The following MERTK variants were observed in gnomAD, a reference collection of about 807,000 sequenced individuals.
MERTK encodes tyrosine-protein kinase Mer.
In MERTK, 69 loss-of-function variants were observed where a neutral mutation model predicts 99.3. The ratio of observed to expected loss-of-function variants is 0.70; its 90% CI spans 0.57 to 0.85. MERTK has a LOEUF of 0.85. Among genes scored for constraint, MERTK ranks in the 40% least tolerant of loss-of-function variants. The pLI is 0.00. For missense variants in MERTK, 1,125 were observed against 1,249.4 expected, an observed-to-expected ratio of 0.90 and a Z score of 1.50; for synonymous variants, 426 against 467.6, an observed-to-expected ratio of 0.91 and a Z score of 1.15.
intron 15 of MERTK, chr2:112,013,376 TA>T (rs1677148256): frequency 6.5e-6 from 1 of 154,314 alleles, no homozygotes; most frequent in Admixed American, 6.5e-5. Context: ...TGTAAAAGGA[TA>T]AAAAATTACC....
At chr2:111,958,634 T>C (rs1385074343) in intron 4 of MERTK, among the ~76,000 whole-genome samples, 1 of 152,184 alleles carries the variant, frequency 6.6e-6, no homozygotes, top group Non-Finnish European at 1.5e-5. Flanking sequence ...AGGTGTCTTG[T>C]GCTAGGACAT....
Position 111,935,208 on chromosome 2 carries a change from G to A in MERTK, c.482+5668G>A, listed in dbSNP as rs547845425. Among the ~76,000 whole-genome samples the A allele has an allele frequency of 2.6e-5, 4 of 152,230 alleles. No homozygotes were observed. In the South Asian group the frequency reaches 6.2e-4, roughly 24 times the overall value. ...ATCCTTGCACATGAAGGTGTTTTCC[G>A]GCAATTCATTATTTGTTGGCTGCAT... is the stretch of plus-strand genomic sequence containing the variant. On this transcript the variant is annotated intron_variant, in intron 2 of 18. Coordinates refer to ENST00000295408, the MANE Select transcript of MERTK (RefSeq NM_006343.3).
intron 12 of MERTK, 84 bp downstream of exon 12, chr2:112,003,271 T>C (rs1676907253): frequency 1.4e-6 from 1 of 713,384 alleles, no homozygotes; most frequent in Non-Finnish European, 2.6e-6. Flanking sequence ...ATTTATTAAA[T>C]AAAATAGCAT....
chr2:111,978,000 G>A (rs187175460), intron 7 of MERTK, among the ~76,000 whole-genome samples: 22 of 151,948 alleles, frequency 1.4e-4, no homozygotes, highest in African/African-American at 3.4e-4. Flanking sequence ...GGAGTGCAGC[G>A]CCAATCATAG....
At chr2:111,996,157 C>T (rs1676733715) in intron 9 of MERTK, 1 of 154,254 alleles carries the variant, frequency 6.5e-6, no homozygotes, top group South Asian at 2.0e-4. Context: ...TGCAGGCAGT[C>T]CTTACCTTGC....
chr2:112,009,439 C>T (rs867201028), intron 14 of MERTK, among the ~76,000 whole-genome samples: 1 of 152,142 alleles, frequency 6.6e-6, no homozygotes, highest in Admixed American at 6.5e-5. Context: ...TGAATTTTAC[C>T]TATAGCCCTT....
intron 4 of MERTK, among the ~76,000 whole-genome samples, chr2:111,951,571 A>G (rs763486561): frequency 1.6e-4 from 21 of 129,398 alleles, no homozygotes; most frequent in Non-Finnish European, 2.3e-4. Context: ...TAATCCATTT[A>G]TCTGTTTATG....
chr2:112,015,420 C>T (rs1159408110), intron 15 of MERTK, among the ~76,000 whole-genome samples: 4 of 152,118 alleles, frequency 2.6e-5, no homozygotes, highest in African/African-American at 4.8e-5. Context: ...TTGCATTTCC[C>T]GAATGACTAA....
intron 2 of MERTK, among the ~76,000 whole-genome samples, chr2:111,930,712 C>T (rs907721970): frequency 1.3e-5 from 2 of 152,106 alleles, no homozygotes; most frequent in African/African-American, 4.8e-5. Flanking sequence ...TTGTGTGTGA[C>T]AGGGATAAGC....
chr2:111,956,240 T>C (rs1472836164), intron 4 of MERTK, among the ~76,000 whole-genome samples: 2 of 152,204 alleles, frequency 1.3e-5, no homozygotes, highest in African/African-American at 2.4e-5. Context: ...TAGCAGTGTC[T>C]ACTACATAAA....
chr2:111,977,449 C>T (rs942615068), intron 7 of MERTK, among the ~76,000 whole-genome samples: 1 of 152,106 alleles, frequency 6.6e-6, no homozygotes, highest in Non-Finnish European at 1.5e-5. Context: ...AACTTTGTTC[C>T]TCTGTATGTA....
intron 10 of MERTK, 101 bp from the exon 11 acceptor site, chr2:112,001,100 G>A (rs988881693): frequency 2.6e-5 from 22 of 852,954 alleles, no homozygotes; most frequent in Non-Finnish European, 4.4e-5. Context: ...TTGTAGAAGA[G>A]CCCATTGAAA....
intron 2 of MERTK, among the ~76,000 whole-genome samples, chr2:111,939,739 A>G (rs1295287996): frequency 2.0e-5 from 3 of 146,738 alleles, no homozygotes; most frequent in Non-Finnish European, 4.5e-5. Context: ...CCTGGCCTCA[A>G]ATGACTCTCT....
chr2:111,982,491 T>C (rs1474927595), intron 7 of MERTK, among the ~76,000 whole-genome samples: 1 of 152,224 alleles, frequency 6.6e-6, no homozygotes, highest in Non-Finnish European at 1.5e-5. Flanking sequence ...CAAGGAATCC[T>C]CCTGCCTGTC....
chr2:111,919,699 T>C (rs1263816131), intron 1 of MERTK, among the ~76,000 whole-genome samples: 3 of 151,920 alleles, frequency 2.0e-5, no homozygotes, highest in Non-Finnish European at 4.4e-5. Flanking sequence ...CTAAAGCCCT[T>C]TGGGGCCCTT....
chr2:111,968,175 A>G lies in MERTK; in HGVS notation c.883A>G (p.Ser295Gly). 6.2e-7 allele frequency: 1 copy of G among 1,614,074 alleles called. No individual in the cohort carries two copies. The highest frequency in any genetic ancestry group is 2.2e-5 in the East Asian group (1 of 44,884). ...ACCAACTGAAGTCAGCATCCGTAAC[A>G]GCACTGCACACAGCATTCTGATCTC... The part of the protein sequence containing the change: ...SPPTEVSIRN[S>G]TAHSILISWV... The change falls in exon 6 of 19, where the codon AGC becomes GGC. Residue 295 changes from serine (S) to glycine (G), a missense_variant. Physicochemically the swap from Ser to Gly is moderately conservative, Grantham distance 56. Coordinates refer to ENST00000295408, the MANE Select transcript of MERTK (RefSeq NM_006343.3).
chr2:111,913,424 A>G (rs1052083306), intron 1 of MERTK, among the ~76,000 whole-genome samples: 1 of 152,192 alleles, frequency 6.6e-6, no homozygotes, highest in African/African-American at 2.4e-5. Flanking sequence ...TTTTAATTTC[A>G]ATGTCTATGT....
chr2:111,957,525 G>A (rs1250066186), intron 4 of MERTK, among the ~76,000 whole-genome samples: 2 of 151,830 alleles, frequency 1.3e-5, no homozygotes, highest in Non-Finnish European at 2.9e-5. Flanking sequence ...CCCTCTGATC[G>A]TCTTCTGTTT....
At chr2:112,000,528 C>T (rs1015684830) in intron 10 of MERTK, among the ~76,000 whole-genome samples, 4 of 151,970 alleles carry the variant, frequency 2.6e-5, no homozygotes, top group Non-Finnish European at 4.4e-5. Context: ...GCAATGTGTT[C>T]GATGTTTTGC....
Sources: allele counts gnomAD v4.1 joint callset (sites outside exome capture counted in the v4.1 genomes callset), GRCh38; gene constraint gnomAD v4.1.1; transcripts MANE v1.5; gene names NCBI Gene and HGNC (gene_info 2026-07-23, HGNC 2026-07-21).